PARN: variants seen among roughly 807,000 people sequenced by gnomAD.
PARN encodes the protein poly(A)-specific ribonuclease, also known as poly(A)-specific ribonuclease PARN.
PARN carries 71 observed loss-of-function variants against 102.8 expected under a neutral mutation model. The observed-to-expected ratio is 0.69, with a 90% CI of 0.57 to 0.84. The LOEUF is 0.84. PARN is among the 40% of genes least tolerant of loss of function. PARN has a pLI of 0.00. For synonymous variants in PARN, 261 were observed against 252.9 expected (o/e 1.03, Z -0.30); for missense variants, 782 against 760.9 (o/e 1.03, Z -0.33).
At chr16:14,601,542 C>A (rs1358772872) in intron 11 of PARN, among the ~76,000 whole-genome samples, 1 of 152,098 alleles carries the variant, frequency 6.6e-6, no homozygotes, top group Admixed American at 6.5e-5. Flanking sequence ...GATTGCACAG[C>A]AATGTTAAAC....
intron 21 of PARN, among the ~76,000 whole-genome samples, chr16:14,518,882 A>C (rs939977034): frequency 6.6e-6 from 1 of 152,188 alleles, no homozygotes; most frequent in Middle Eastern, 3.2e-3. Flanking sequence ...AATGTCTCCA[A>C]CTGGGGGCAT....
At chr16:14,489,631 G>A (rs149494317) in intron 21 of PARN, among the ~76,000 whole-genome samples, 6 of 152,234 alleles carry the variant, frequency 3.9e-5, no homozygotes, top group South Asian at 2.1e-4. Context: ...GTGTAAATGC[G>A]TACTGCAACT....
At chr16:14,465,976 T>C (rs973752735) in intron 22 of PARN, among the ~76,000 whole-genome samples, 6 of 152,104 alleles carry the variant, frequency 3.9e-5, no homozygotes, top group Non-Finnish European at 8.8e-5. Flanking sequence ...AAGCGGAGAA[T>C]GACAGGCACT....
intron 22 of PARN, among the ~76,000 whole-genome samples, chr16:14,468,985 A>AC (rs1302645862): frequency 6.6e-6 from 1 of 152,130 alleles, no homozygotes; most frequent in Non-Finnish European, 1.5e-5. Context: ...AAATAAAAAA[A>AC]ACACACATAA....
intron 12 of PARN, among the ~76,000 whole-genome samples, chr16:14,595,624 C>T (rs1185746701): frequency 6.6e-6 from 1 of 152,104 alleles, no homozygotes; most frequent in Non-Finnish European, 1.5e-5. Flanking sequence ...CCTCTGCCTT[C>T]CAGGTTCAAG....
intron 18 of PARN, among the ~76,000 whole-genome samples, chr16:14,563,336 A>G (rs905643391): frequency 6.6e-6 from 1 of 152,224 alleles, no homozygotes; most frequent in African/African-American, 2.4e-5. Flanking sequence ...GAGCCAGTGC[A>G]GTGCAAGGCA....
chr16:14,566,700 T>A (rs188127709), intron 18 of PARN, among the ~76,000 whole-genome samples: 3 of 152,196 alleles, frequency 2.0e-5, no homozygotes, highest in Non-Finnish European at 4.4e-5. Flanking sequence ...CCTCAACAAG[T>A]TATTTTAAAT....
intron 23 of PARN, among the ~76,000 whole-genome samples, chr16:14,446,416 T>C (rs769338875): frequency 6.6e-6 from 1 of 152,202 alleles, no homozygotes; most frequent in Non-Finnish European, 1.5e-5. Flanking sequence ...GCGTCTAGCA[T>C]GTAGTAGGCT....
intron 22 of PARN, among the ~76,000 whole-genome samples, chr16:14,464,006 TTGTG>T (rs918241945): frequency 1.3e-4 from 20 of 152,148 alleles, no homozygotes; most frequent in Admixed American, 1.2e-3. Context: ...GCTAATTTTT[TTGTG>T]TGTGTATTTT....
chr16:14,612,591 A>G (rs950032178), intron 6 of PARN, among the ~76,000 whole-genome samples: 8 of 150,430 alleles, frequency 5.3e-5, no homozygotes, highest in African/African-American at 1.7e-4. Flanking sequence ...TGGACATACT[A>G]TTTTTTTTTC....
Position 14,627,250 on chromosome 16 carries a change from G to T in PARN, c.245+19C>A, listed in dbSNP as rs762440317. 6.3e-7 allele frequency: 1 copy of T among 1,588,004 alleles called. No homozygotes were observed. Among genetic ancestry groups the T allele is most frequent in the Admixed American group, 1.8e-5 (1 of 56,284 alleles). On this transcript the variant is annotated intron_variant, in intron 4 of 23. Transcript: ENST00000437198. ...GTGCCACAAAAACGGAATTCCCAAC[G>T]TTTGTTAACACAACCTACTTTGAAT...
At chr16:14,474,246 C>T (rs1476085490) in intron 22 of PARN, among the ~76,000 whole-genome samples, 1 of 152,172 alleles carries the variant, frequency 6.6e-6, no homozygotes, top group African/African-American at 2.4e-5. Context: ...CTCAAGCAAT[C>T]CTCCAGCCTT....
intron 12 of PARN, 99 bp downstream of exon 12, chr16:14,599,805 A>G: frequency 1.4e-6 from 1 of 717,176 alleles, no homozygotes. Context: ...CTAGGTAAAC[A>G]TTCTAAAGGA....
At position 14,436,459 on chromosome 16, in the gene PARN, T is replaced by C. The variant is rs1378659164; in HGVS notation, c.*258A>G. 1.9e-6 allele frequency: 1 copy of C among 525,478 alleles called. No individual in the cohort carries two copies. The highest frequency in any genetic ancestry group is 1.9e-5 in the African/African-American group (1 of 52,456). 32.6% of individuals were successfully genotyped at this position (525,478 alleles called of 1,614,324 possible). A position where few individuals can be genotyped will look rare whatever the true frequency, so the allele number is the denominator to read the frequency against. ...AGGCCTCACAAGAGCAACACGGAAT[T>C]CACTGGTTAAGCACGTACACATTCA... is the stretch of plus-strand genomic sequence containing the variant. On this transcript the variant is annotated 3_prime_UTR_variant, in exon 24 of 24. Coordinates refer to ENST00000437198, the MANE Select transcript of PARN (RefSeq NM_002582.4).
intron 21 of PARN, among the ~76,000 whole-genome samples, chr16:14,525,116 T>C (rs1307874694): frequency 6.6e-6 from 1 of 152,236 alleles, no homozygotes; most frequent in African/African-American, 2.4e-5. Flanking sequence ...CAGATAATCT[T>C]GCAATGGAAT....
intron 9 of PARN, 62 bp downstream of exon 9, chr16:14,608,216 GATT>G (rs1596844452): frequency 1.8e-6 from 2 of 1,134,854 alleles, no homozygotes; most frequent in African/African-American, 1.6e-5. Context: ...AGAACTAAGA[GATT>G]ATATTTAGTC....
chr16:14,527,026 GCTATATT>G (rs1461503101), intron 21 of PARN, among the ~76,000 whole-genome samples: 2 of 152,220 alleles, frequency 1.3e-5, no homozygotes, highest in Non-Finnish European at 1.5e-5. Flanking sequence ...CAGTCTTGCA[GCTATATT>G]CTATAAAGTC....
chr16:14,435,771 A>G lies in PARN; in HGVS notation c.*946T>C, dbSNP rs923718496. ...TCATTTTTATTTCCACCATACAAAA[A>G]TGTGAAATATCTAACAATGATCTAT... On this transcript the variant is annotated 3_prime_UTR_variant, in exon 24 of 24. Transcript: ENST00000437198. 1 of 152,124 alleles carries G rather than the reference A, an allele frequency of 6.6e-6. No individual in the cohort carries two copies. Among genetic ancestry groups the G allele is most frequent in the African/African-American group, 2.4e-5 (1 of 41,414 alleles). The allele number at this position is 152,124 out of a possible 1,614,324, so 9.4% of individuals were successfully genotyped here.
At chr16:14,629,575 T>G (rs756304713) in intron 2 of PARN, 22 bp downstream of exon 2, 29 of 1,575,832 alleles carry the variant, frequency 1.8e-5, no homozygotes, top group South Asian at 1.1e-5. Context: ...AGTGCTAGCC[T>G]GAGCTTGCAA....
Sources: allele counts gnomAD v4.1 joint callset (sites outside exome capture counted in the v4.1 genomes callset), GRCh38; gene constraint gnomAD v4.1.1; transcripts MANE v1.5; gene names NCBI Gene and HGNC (gene_info 2026-07-23, HGNC 2026-07-21).